The following INTS15 variants were observed in gnomAD, a reference collection of about 807,000 sequenced individuals.
INTS15 encodes the protein uncharacterized protein C7orf26.
the INTS15 span, chr7:6,607,897 A>G: frequency 6.3e-7 from 1 of 1,585,226 alleles, no homozygotes; most frequent in Non-Finnish European, 8.5e-7. The surrounding 1 kb of genome is among the most constrained non-coding windows in gnomAD (Gnocchi z 6.0). Context: ...GGGTCAGCCT[A>G]CCGTGCGCAC....
chr7:6,600,677 C>A, the INTS15 span, among the ~76,000 whole-genome samples: 3 of 152,130 alleles, frequency 2.0e-5, no homozygotes, highest in South Asian at 6.2e-4. Flanking sequence ...TTATTTATTG[C>A]GACGGAGTCT....
At chr7:6,604,857 G>C in the INTS15 span, among the ~76,000 whole-genome samples, 2 of 152,214 alleles carry the variant, frequency 1.3e-5, no homozygotes, top group African/African-American at 4.8e-5. Flanking sequence ...CAAAGCCTGA[G>C]GGGGCGGAAG....
chr7:6,598,786 T>TGTGTGTG, the INTS15 span, among the ~76,000 whole-genome samples: 49 of 66,152 alleles, frequency 7.4e-4, no homozygotes, highest in African/African-American at 1.6e-3. Context: ...TGTGTGTGTG[T>TGTGTGTG]ATTTTTTTTT....
At chr7:6,591,734 T>G in the INTS15 span, 1 of 1,614,174 alleles carries the variant, frequency 6.2e-7, no homozygotes, top group Admixed American at 1.7e-5. Flanking sequence ...CGGCAGATTA[T>G]TTTTTCATCC....
chr7:6,602,221 C>T, the INTS15 span: 9 of 1,248,154 alleles, frequency 7.2e-6, no homozygotes, highest in South Asian at 4.0e-5. Context: ...GCCCCTTTGT[C>T]CTGGGTTCTT....
chr7:6,600,072 C>T, the INTS15 span: 57 of 1,614,058 alleles, frequency 3.5e-5, no homozygotes, highest in Middle Eastern at 1.6e-4. Context: ...ACAAAGGACC[C>T]GGGCGTGGGG....
the INTS15 span, chr7:6,602,297 A>C: frequency 1.7e-6 from 1 of 589,310 alleles, no homozygotes; most frequent in Non-Finnish European, 3.0e-6. Flanking sequence ...AATGGAACTC[A>C]AGTAGAAAGT....
the INTS15 span, among the ~76,000 whole-genome samples, chr7:6,594,962 A>G: frequency 3.3e-5 from 5 of 152,086 alleles, no homozygotes; most frequent in African/African-American, 1.2e-4. Context: ...CCCTGATCTC[A>G]AGTGATCCAC....
the INTS15 span, chr7:6,590,257 C>A: frequency 1.3e-6 from 2 of 1,481,572 alleles, no homozygotes; most frequent in South Asian, 1.3e-5. Flanking sequence ...GAGACGCGCT[C>A]GGCGCGGGGG....
At chr7:6,594,316 C>A in the INTS15 span, 1 of 1,030,918 alleles carries the variant, frequency 9.7e-7, no homozygotes, top group Admixed American at 2.1e-5. Context: ...CCATTAACAT[C>A]TTTTTTTTGT....
At chr7:6,591,813 G>T in the INTS15 span, 1 of 1,614,118 alleles carries the variant, frequency 6.2e-7, no homozygotes, top group Non-Finnish European at 8.5e-7. Context: ...TGGTCTCCAT[G>T]GCGGTGGCTG....
At chr7:6,605,538 G>A in the INTS15 span, among the ~76,000 whole-genome samples, 1 of 152,132 alleles carries the variant, frequency 6.6e-6, no homozygotes, top group Admixed American at 6.5e-5. Context: ...CTAATCAGCA[G>A]TCCCCTGCTG....
chr7:6,601,129 G>C, the INTS15 span, among the ~76,000 whole-genome samples: 1 of 152,000 alleles, frequency 6.6e-6, no homozygotes, highest in African/African-American at 2.4e-5. Flanking sequence ...ACCACACCCA[G>C]CTAATTTTTT....
the INTS15 span, chr7:6,607,642 G>C: frequency 6.8e-7 from 1 of 1,479,616 alleles, no homozygotes; most frequent in South Asian, 1.2e-5. The surrounding 1 kb of genome is among the most constrained non-coding windows in gnomAD (Gnocchi z 6.0). Flanking sequence ...GTGGCCAGCT[G>C]TTCTGTGTGT....
At chr7:6,599,167 T>C in the INTS15 span, among the ~76,000 whole-genome samples, 1 of 151,770 alleles carries the variant, frequency 6.6e-6, no homozygotes, top group East Asian at 1.9e-4. Context: ...ATTGCTGGGG[T>C]GGAGGGAGGA....
chr7:6,598,291 G>A, the INTS15 span, among the ~76,000 whole-genome samples: 2 of 152,052 alleles, frequency 1.3e-5, no homozygotes, highest in Non-Finnish European at 2.9e-5. Flanking sequence ...CCAACATGGC[G>A]AAACCCCATC....
the INTS15 span, among the ~76,000 whole-genome samples, chr7:6,605,888 G>C: frequency 1.3e-5 from 2 of 151,642 alleles, no homozygotes; most frequent in African/African-American, 2.4e-5. Flanking sequence ...TAATAGAGAC[G>C]GGTTTTCGCC....
At chr7:6,595,687 T>A in the INTS15 span, among the ~76,000 whole-genome samples, 1 of 152,166 alleles carries the variant, frequency 6.6e-6, no homozygotes, top group African/African-American at 2.4e-5. Context: ...TAATTTTTTT[T>A]ACTTTTTTGG....
chr7:6,594,657 T>C, the INTS15 span: 2 of 1,538,782 alleles, frequency 1.3e-6, no homozygotes, highest in Non-Finnish European at 1.8e-6. Flanking sequence ...GCTAGTTTTA[T>C]TTTCCACTGA....
Sources: gnomAD v4.1 joint callset for allele counts (sites outside exome capture counted in the v4.1 genomes callset) on GRCh38, gnomAD v4.1.1 for gene constraint, Gnocchi (gnomAD v3.1) non-coding constraint, MANE v1.5 for transcripts, NCBI Gene and HGNC (gene_info 2026-07-23, HGNC 2026-07-21) for gene names.